LTBP1: variants seen among roughly 807,000 people sequenced by gnomAD.
LTBP1 encodes latent transforming growth factor beta binding protein 1.
A neutral mutation model predicts 207.6 loss-of-function variants in LTBP1; 129 were observed. The observed-to-expected ratio is 0.62, with a 90% CI of 0.54 to 0.72. LTBP1 has a LOEUF of 0.72. Among genes scored for constraint, LTBP1 ranks in the 30% least tolerant of loss-of-function variants. The pLI is 0.00. For synonymous variants in LTBP1, 963 were observed against 833.7 expected (o/e 1.16, Z -2.67); for missense variants, 2,281 against 2,217.2 (o/e 1.03, Z -0.58).
At chr2:33,288,503 G>A (rs1208843626) in intron 19 of LTBP1, among the ~76,000 whole-genome samples, 1 of 152,180 alleles carries the variant, frequency 6.6e-6, no homozygotes, top group African/African-American at 2.4e-5. Context: ...AAATTGTGGA[G>A]AATTGATAGT....
At chr2:33,293,769 A>G (rs2093819855) in intron 20 of LTBP1, among the ~76,000 whole-genome samples, 1 of 152,172 alleles carries the variant, frequency 6.6e-6, no homozygotes, top group Non-Finnish European at 1.5e-5. Flanking sequence ...TGGATATTGT[A>G]TATAAAGATG....
intron 17 of LTBP1, among the ~76,000 whole-genome samples, chr2:33,275,462 A>T (rs980497850): frequency 6.6e-6 from 1 of 152,170 alleles, no homozygotes; most frequent in African/African-American, 2.4e-5. Context: ...AGCCTGGCGG[A>T]TCACCTGAGG....
chr2:33,021,241 A>G, intron 3 of LTBP1, 35 bp downstream of exon 3: 1 of 1,538,010 alleles, frequency 6.5e-7, no homozygotes, highest in East Asian at 2.3e-5. Context: ...GCTAAGGATC[A>G]TCTTAATTAC....
At chr2:33,254,548 G>GGT (rs1326797107) in intron 11 of LTBP1, among the ~76,000 whole-genome samples, 11 of 71,994 alleles carry the variant, frequency 1.5e-4, no homozygotes, top group African/African-American at 6.1e-4. Context: ...CTTTAAACTT[G>GGT]GTTTTTTTTT....
Position 33,243,737 on chromosome 2 carries a change from C to T in LTBP1, c.1952C>T (p.Thr651Ile). Residue 651 changes from threonine (T) to isoleucine (I), a missense_variant, in exon 10 of 34, where the codon ACC becomes ATC. Transcript: ENST00000404816. ...CLNTMGSYRC[T>I]CKIGFGPDPT... is the part of the protein sequence containing the mutation. ...AATACCATGGGCAGCTATCGATGTACCTGCAAAATAGGATTTGGGCCGGAT... is the reference window on the plus strand; with the variant it reads ...AATACCATGGGCAGCTATCGATGTATCTGCAAAATAGGATTTGGGCCGGAT... 4 of 1,613,540 alleles carry T rather than the reference C, an allele frequency of 2.5e-6. No homozygotes were observed. The highest frequency in any genetic ancestry group is 3.4e-6 in the Non-Finnish European group (4 of 1,179,508).
At chr2:33,163,583 T>C (rs979013498) in intron 5 of LTBP1, among the ~76,000 whole-genome samples, 1 of 152,058 alleles carries the variant, frequency 6.6e-6, no homozygotes, top group Non-Finnish European at 1.5e-5. Context: ...CAGAGTAGAG[T>C]GACTATAGTT....
intron 24 of LTBP1, among the ~76,000 whole-genome samples, chr2:33,318,941 T>A (rs993388129): frequency 5.3e-5 from 8 of 151,258 alleles, no homozygotes; most frequent in Admixed American, 1.3e-4. Flanking sequence ...CAAAGAAAAA[T>A]TTTTTTTAAT....
intron 23 of LTBP1, among the ~76,000 whole-genome samples, chr2:33,313,998 C>A (rs79657049): frequency 1.6e-3 from 246 of 152,284 alleles, no homozygotes; most frequent in African/African-American, 5.5e-3. Flanking sequence ...TTGAAAGAGC[C>A]TTTTACTTAT....
At chr2:33,079,565 G>C (rs1297683392) in intron 3 of LTBP1, among the ~76,000 whole-genome samples, 1 of 152,166 alleles carries the variant, frequency 6.6e-6, no homozygotes, top group Non-Finnish European at 1.5e-5. Flanking sequence ...CATATGATAA[G>C]ATCTGAACCT....
At chr2:33,074,901 G>T (rs1288473196) in intron 3 of LTBP1, among the ~76,000 whole-genome samples, 1 of 143,382 alleles carries the variant, frequency 7.0e-6, no homozygotes, top group Admixed American at 6.9e-5. Context: ...AAAAAAGCAC[G>T]TTAGATGGGC....
At chr2:33,128,283 A>T (rs145410196) in intron 4 of LTBP1, among the ~76,000 whole-genome samples, 1 of 152,328 alleles carries the variant, frequency 6.6e-6, no homozygotes, top group Non-Finnish European at 1.5e-5. Flanking sequence ...TGTGTTCCAA[A>T]ATTAAGGGAC....
At chr2:33,035,592 A>G (rs1171309758) in intron 3 of LTBP1, among the ~76,000 whole-genome samples, 2 of 152,246 alleles carry the variant, frequency 1.3e-5, no homozygotes, top group East Asian at 3.8e-4. Context: ...ATTGTGAGAA[A>G]TTCGGAAGAA....
intron 31 of LTBP1, among the ~76,000 whole-genome samples, chr2:33,386,775 C>T (rs1288665900): frequency 1.3e-5 from 2 of 151,100 alleles, no homozygotes; most frequent in Admixed American, 1.3e-4. Context: ...CAGTGAACCA[C>T]GATACCACAA....
chr2:33,025,607 A>G (rs548915843), intron 3 of LTBP1, among the ~76,000 whole-genome samples: 1 of 152,344 alleles, frequency 6.6e-6, no homozygotes, highest in African/African-American at 2.4e-5. Context: ...ACATGCTAAC[A>G]TTGGTAATTT....
intron 7 of LTBP1, among the ~76,000 whole-genome samples, chr2:33,197,696 A>T (rs2088718231): frequency 1.3e-5 from 2 of 152,316 alleles, no homozygotes; most frequent in South Asian, 4.1e-4. Context: ...GGAAACAAAC[A>T]TGTAGTGACC....
chr2:33,376,793 G>C (rs1265840426), intron 31 of LTBP1, among the ~76,000 whole-genome samples: 1 of 152,156 alleles, frequency 6.6e-6, no homozygotes, highest in Non-Finnish European at 1.5e-5. Flanking sequence ...GCAGGATGGG[G>C]CTTTTATGGA....
At chr2:32,962,963 C>A (rs377727441) in intron 2 of LTBP1, among the ~76,000 whole-genome samples, 1 of 152,258 alleles carries the variant, frequency 6.6e-6, no homozygotes, top group East Asian at 1.9e-4. Context: ...CCCATCTCCT[C>A]CTCCCTTTCC....
In LTBP1 at chr2:32,947,310, C is replaced by A; in HGVS notation, c.-15C>A. ...CCGGACCGCGCGCGACCGGTCGCGC[C>A]CGCTGGGGCCCGCGATGGCGGGGGC... On this transcript the variant is annotated 5_prime_UTR_variant, in exon 1 of 34. Transcript: ENST00000404816. 8.1e-7 allele frequency: 1 copy of A among 1,228,376 alleles called. No homozygotes were observed. 76.1% of individuals were successfully genotyped at this position (1,228,376 alleles called of 1,614,324 possible).
intron 22 of LTBP1, among the ~76,000 whole-genome samples, chr2:33,309,085 C>A (rs2094142187): frequency 6.6e-6 from 1 of 151,884 alleles, no homozygotes; most frequent in African/African-American, 2.4e-5. Context: ...GAGTTGAAGA[C>A]CAGACTGGCC....
Sources: allele counts gnomAD v4.1 joint callset (sites outside exome capture counted in the v4.1 genomes callset), GRCh38; gene constraint gnomAD v4.1.1; transcripts MANE v1.5; gene names NCBI Gene and HGNC (gene_info 2026-07-23, HGNC 2026-07-21).